The following SMARCA4 variants were observed in gnomAD, a reference collection of about 807,000 sequenced individuals.
The protein encoded by SMARCA4 is SWI/SNF-related matrix-associated actin-dependent regulator of chromatin subfamily A member 4.
In SMARCA4, 31 loss-of-function variants were observed where a neutral mutation model predicts 193.9. The observed-to-expected ratio is 0.16, with a 90% CI of 0.12 to 0.22. The LOEUF (loss-of-function observed/expected upper bound fraction) is 0.22. SMARCA4 is among the 10% of genes least tolerant of loss of function. The pLI, the probability that SMARCA4 is intolerant of heterozygous loss-of-function variation, is 1.00. For synonymous variants in SMARCA4, 942 were observed against 933.1 expected, an observed-to-expected ratio of 1.01 and a Z score of -0.17; for missense variants, 1,148 against 2,296.0, an observed-to-expected ratio of 0.50 and a Z score of 10.22.
rs200818024 is a variant in SMARCA4 at position 11,058,420 on chromosome 19, G to A, written c.4533+57G>A. On this transcript the variant is annotated intron_variant, in intron 31 of 34. Coordinates refer to ENST00000344626, the MANE Select transcript of SMARCA4 (RefSeq NM_003072.5). This position sits in a 1 kb window ranked among gnomAD's most constrained non-coding sequence, Gnocchi z 5.8. ...GTGCCCGGAGGGGAGTCTGACCCAG[G>A]GGCACCCCCATCTGAGAGCTGTGGT... The A allele has an allele frequency of 1.1e-4, 134 of 1,213,332 alleles. No individual in the cohort carries two copies. The East Asian group carries it at 2.6e-3, about 23-fold the overall frequency. 75.2% of individuals were successfully genotyped at this position (1,213,332 alleles called of 1,614,324 possible).
At chr19:11,017,952 C>T (rs1477837896) in intron 16 of SMARCA4, among the ~76,000 whole-genome samples, 2 of 152,262 alleles carry the variant, frequency 1.3e-5, no homozygotes, top group Non-Finnish European at 2.9e-5. Flanking sequence ...GGGCAAAAGG[C>T]AGCAGAAGCG....
chr19:11,061,568 G>A (rs1411823000), intron 34 of SMARCA4, among the ~76,000 whole-genome samples: 2 of 152,140 alleles, frequency 1.3e-5, no homozygotes, highest in South Asian at 4.1e-4. Flanking sequence ...AGTAGAGACG[G>A]GGTTTCACCG....
chr19:11,054,459 G>A (rs950508745), intron 30 of SMARCA4, among the ~76,000 whole-genome samples: 2 of 152,190 alleles, frequency 1.3e-5, no homozygotes, highest in Admixed American at 1.3e-4. Context: ...TCATCCCTGG[G>A]GGAAGGACTG....
At chr19:10,962,811 A>G (rs1395165294) in intron 1 of SMARCA4, among the ~76,000 whole-genome samples, 1 of 134,872 alleles carries the variant, frequency 7.4e-6, no homozygotes, top group Admixed American at 7.1e-5. Flanking sequence ...CCAAAGTGCT[A>G]GGACTACATG....
intron 11 of SMARCA4, 107 bp from the exon 12 acceptor site, chr19:11,002,922 C>T: frequency 7.9e-7 from 1 of 1,268,862 alleles, no homozygotes; most frequent in Non-Finnish European, 1.1e-6. Flanking sequence ...TGTTTGCCTG[C>T]CATTTTCTGT....
intron 24 of SMARCA4, among the ~76,000 whole-genome samples, chr19:11,028,680 C>T (rs960216999): frequency 1.1e-4 from 16 of 152,246 alleles, no homozygotes; most frequent in African/African-American, 2.4e-5. Flanking sequence ...TGTTTCTGCG[C>T]CTGCCTGCCC....
intron 24 of SMARCA4, among the ~76,000 whole-genome samples, chr19:11,029,391 T>C (rs1257531668): frequency 1.3e-5 from 2 of 152,250 alleles, no homozygotes; most frequent in Admixed American, 6.5e-5. Flanking sequence ...TACAGATGTG[T>C]CCTCTGCATG....
rs77586782 is a variant in SMARCA4 at position 11,053,991 on chromosome 19, G to A, written c.4425-4264G>A. Among the ~76,000 whole-genome samples, 313 of 152,272 alleles carry A rather than the reference G, an allele frequency of 2.1e-3. 4 individuals are homozygous for A. The highest frequency in any genetic ancestry group is 7.2e-3 in the African/African-American group (299 of 41,564). On this transcript the variant is annotated intron_variant, in intron 30 of 34. Coordinates refer to ENST00000344626, the MANE Select transcript of SMARCA4 (RefSeq NM_003072.5). ...GTGCATCCAGCAAAGGACTCCCCAG[G>A]GAAGGAAATGGGCCAAAGATGGGAA...
At chr19:11,059,178 A>G (rs186819209) in intron 32 of SMARCA4, 626 of 398,582 alleles carry the variant, frequency 1.6e-3, no homozygotes, top group Non-Finnish European at 2.4e-3. Context: ...AGCAGTATGT[A>G]TTTACCGAAG....
rs2074867605 is a variant in SMARCA4, at chr19:11,030,703, G to A, written c.3383-27G>A. ...ACTCTACCCCTGAGGTCACCCCGCT[G>A]ACCCTGTTCTCCTCTGTGCCCGTCA... On this transcript the variant is annotated intron_variant, in intron 24 of 34. Coordinates refer to ENST00000344626, the MANE Select transcript of SMARCA4 (RefSeq NM_003072.5). This position sits in a 1 kb window ranked among gnomAD's most constrained non-coding sequence, Gnocchi z 5.5. The A allele has an allele frequency of 1.2e-6, 2 of 1,605,516 alleles. No homozygotes were observed. Among genetic ancestry groups the A allele is most frequent in the Non-Finnish European group, 1.7e-6 (2 of 1,176,504 alleles).
rs141226503 is a variant in SMARCA4, at chr19:11,022,725, G to A, written c.2859+758G>A. ...AGCTGGGGCCTTCCTGGCCTCATGC[G>A]TGAGTTCCCTGCCCTCTCGGCTGCT... On this transcript the variant is annotated intron_variant, in intron 19 of 34. Transcript: ENST00000344626. Among the ~76,000 whole-genome samples the A allele has an allele frequency of 1.4e-3, 215 of 152,294 alleles. 1 individual carries two copies. The highest frequency in any genetic ancestry group is 5.0e-3 in the African/African-American group (208 of 41,562).
chr19:11,035,528 C>T (rs1237304775), intron 29 of SMARCA4, among the ~76,000 whole-genome samples: 1 of 152,232 alleles, frequency 6.6e-6, no homozygotes, highest in African/African-American at 2.4e-5. Flanking sequence ...CAAAGCGTTG[C>T]ACTGCTGGCT....
intron 1 of SMARCA4, 68 bp downstream of exon 1, chr19:10,961,242 G>T (rs531145415): frequency 6.7e-6 from 1 of 149,322 alleles, no homozygotes; most frequent in Non-Finnish European, 1.5e-5. Flanking sequence ...TGGAGCCGGG[G>T]CGCCGAGGGG....
At chr19:10,972,566 A>G (rs2084762483) in intron 1 of SMARCA4, among the ~76,000 whole-genome samples, 1 of 151,990 alleles carries the variant, frequency 6.6e-6, no homozygotes, top group Non-Finnish European at 1.5e-5. Context: ...CGCTGTTCGT[A>G]TTTGGGGGTA....
At chr19:11,039,598 A>C in intron 29 of SMARCA4, 1 of 1,170,554 alleles carries the variant, frequency 8.5e-7, no homozygotes, top group Non-Finnish European at 1.2e-6. Context: ...GCTGCACAAC[A>C]CTGGGGACGT....
intron 16 of SMARCA4, among the ~76,000 whole-genome samples, chr19:11,016,459 G>T (rs1029327887): frequency 1.3e-5 from 2 of 152,198 alleles, no homozygotes; most frequent in Non-Finnish European, 2.9e-5. Context: ...ACCTGTTTCT[G>T]TCCGCTCTTC....
chr19:11,024,991 C>G (rs1159523096), intron 21 of SMARCA4, among the ~76,000 whole-genome samples: 1 of 150,454 alleles, frequency 6.6e-6, no homozygotes, highest in East Asian at 2.0e-4. Context: ...ACCCCCCGCC[C>G]CGCCCCCACC....
At chr19:11,056,858 G>A (rs925753886) in intron 30 of SMARCA4, among the ~76,000 whole-genome samples, 3 of 152,238 alleles carry the variant, frequency 2.0e-5, no homozygotes, top group Non-Finnish European at 4.4e-5. Context: ...CAGGACCCCA[G>A]CAACAGAACC....
At chr19:11,013,470 A>G (rs1246803955) in intron 16 of SMARCA4, among the ~76,000 whole-genome samples, 1 of 152,166 alleles carries the variant, frequency 6.6e-6, no homozygotes, top group Non-Finnish European at 1.5e-5. Context: ...GTCTCCAGGT[A>G]CAGTCGCATC....
Sources: allele counts gnomAD v4.1 joint callset (sites outside exome capture counted in the v4.1 genomes callset), GRCh38; gene constraint gnomAD v4.1.1; non-coding constraint Gnocchi (gnomAD v3.1); transcripts MANE v1.5; gene names NCBI Gene and HGNC (gene_info 2026-07-23, HGNC 2026-07-21).